Variants in HLTF observed in about 807,000 individuals in gnomAD.
The protein encoded by HLTF is helicase like transcription factor.
A neutral mutation model predicts 129.4 loss-of-function variants in HLTF; 127 were observed. The ratio of observed to expected loss-of-function variants is 0.98; its 90% confidence interval spans 0.85 to 1.14. The LOEUF is 1.14. Among genes scored for constraint, HLTF ranks in the 50% most tolerant of loss-of-function variants. The probability of loss-of-function intolerance (pLI) is 0.00; values close to 1 mark genes in which losing one functional copy is unlikely to be tolerated. For missense variants in HLTF, 1,139 were observed against 1,187.1 expected, an observed-to-expected ratio of 0.96 and a Z score of 0.60; for synonymous variants, 332 against 388.8, an observed-to-expected ratio of 0.85 and a Z score of 1.72.
chr3:149,078,100 T>A lies in HLTF; in HGVS notation c.229-2053A>T, dbSNP rs556675775. Among the ~76,000 whole-genome samples the A allele has an allele frequency of 8.9e-4, 136 of 152,066 alleles. 2 individuals are homozygous for A. The South Asian group carries it at 0.013, about 14-fold the overall frequency. On this transcript the variant is annotated intron_variant, in intron 2 of 24. Coordinates refer to ENST00000310053, the MANE Select transcript of HLTF (RefSeq NM_003071.4). ...CAGAGCTGCCACATTATTTAAAATGTCAATTTTTCAAGAAAAAAAGTACAA... is the reference window on the plus strand; with the variant it reads ...CAGAGCTGCCACATTATTTAAAATGACAATTTTTCAAGAAAAAAAGTACAA...
intron 13 of HLTF, among the ~76,000 whole-genome samples, chr3:149,057,081 G>C (rs1233948586): frequency 8.8e-6 from 1 of 113,172 alleles, no homozygotes; most frequent in Admixed American, 1.2e-4. Flanking sequence ...CTGCACTCCA[G>C]CCTGGGCGAC....
intron 24 of HLTF, among the ~76,000 whole-genome samples, chr3:149,032,739 G>C (rs1370886013): frequency 6.6e-6 from 1 of 152,122 alleles, no homozygotes; most frequent in African/African-American, 2.4e-5. Flanking sequence ...GAGGCGGGCA[G>C]ATCATGAGGT....
At chr3:149,045,938 T>C (rs1020687077) in intron 18 of HLTF, 142 bp downstream of exon 18, 2 of 573,396 alleles carry the variant, frequency 3.5e-6, no homozygotes, top group African/African-American at 2.0e-5. Context: ...TATTGATTTG[T>C]AAAAAACACT....
chr3:149,032,467 A>C (rs575435656), intron 24 of HLTF, 95 bp from the exon 25 acceptor site: 8 of 718,898 alleles, frequency 1.1e-5, no homozygotes, highest in Non-Finnish European at 1.7e-5. Flanking sequence ...CTAATGGCAA[A>C]AACCGCAATT....
intron 12 of HLTF, among the ~76,000 whole-genome samples, chr3:149,060,101 G>A (rs1463614109): frequency 6.6e-6 from 1 of 152,052 alleles, no homozygotes; most frequent in East Asian, 1.9e-4. Flanking sequence ...ATTTTTCAAG[G>A]AAACAAACAG....
chr3:149,072,765 T>A (rs1718986383), intron 5 of HLTF, among the ~76,000 whole-genome samples: 1 of 152,220 alleles, frequency 6.6e-6, no homozygotes, highest in Non-Finnish European at 1.5e-5. Context: ...TTTAAATTGA[T>A]CTGCATTAAT....
intron 8 of HLTF, among the ~76,000 whole-genome samples, chr3:149,065,546 A>G (rs1036416640): frequency 6.6e-6 from 1 of 152,194 alleles, no homozygotes; most frequent in Non-Finnish European, 1.5e-5. Flanking sequence ...AATCAAAAAA[A>G]ACTAAAAATC....
Position 149,031,983 on chromosome 3 carries a change from C to A in HLTF, c.*237G>T, listed in dbSNP as rs1228733519. On this transcript the variant is annotated 3_prime_UTR_variant, in exon 25 of 25. Transcript: ENST00000310053. ...TATGAAAAGCTGAATAACAAAGTAA[C>A]CTTTTTTCTCAAATTATTTCAGGCC... 3 of 290,914 alleles carry A rather than the reference C, an allele frequency of 1.0e-5. No individual in the cohort carries two copies. The highest frequency in any genetic ancestry group is 1.9e-5 in the Non-Finnish European group (3 of 160,568). 18.0% of individuals were successfully genotyped at this position (290,914 alleles called of 1,614,324 possible).
chr3:149,049,609 A>G (rs1716819509), intron 15 of HLTF, among the ~76,000 whole-genome samples: 2 of 152,246 alleles, frequency 1.3e-5, no homozygotes, highest in Admixed American at 6.5e-5. Flanking sequence ...AATTTTCCAG[A>G]ATATTAAAAA....
intron 24 of HLTF, among the ~76,000 whole-genome samples, chr3:149,032,965 A>C (rs1183212684): frequency 7.2e-6 from 1 of 138,858 alleles, no homozygotes; most frequent in Admixed American, 7.2e-5. Context: ...CTCAAAAAAA[A>C]AAAAAAAAAA....
Position 149,071,404 on chromosome 3 carries a change from G to C in HLTF, c.742C>G (p.Leu248Val). 6.2e-7 allele frequency: 1 copy of C among 1,613,392 alleles called. No homozygotes were observed. Among genetic ancestry groups the C allele is most frequent in the Non-Finnish European group, 8.5e-7 (1 of 1,179,798 alleles). ...TPLLPHQKQA[L>V]AWMVSRENSK... ...TTTTCCCGTGACACCATCCAAGCTA[G>C]AGCTTGTTTTTGATGTGGAAGCAGT... The change falls in exon 7 of 25, where the codon CTA (leucine) becomes GTA (valine). Residue 248 changes from leucine to valine, a missense_variant. Physicochemically the swap from Leu to Val is conservative, Grantham distance 32. Coordinates refer to ENST00000310053, the MANE Select transcript of HLTF (RefSeq NM_003071.4).
At chr3:149,062,625 T>A (rs554331787) in intron 10 of HLTF, among the ~76,000 whole-genome samples, 12 of 152,222 alleles carry the variant, frequency 7.9e-5, no homozygotes, top group Non-Finnish European at 1.5e-4. Flanking sequence ...GGGAATTACA[T>A]CTTTTATTCA....
At chr3:149,038,607 A>C (rs767570785) in intron 23 of HLTF, among the ~76,000 whole-genome samples, 160 of 152,042 alleles carry the variant, frequency 1.1e-3, no homozygotes, top group Non-Finnish European at 1.7e-3. Flanking sequence ...GGCCCAAGCA[A>C]TCAATCTTTC....
chr3:149,069,641 ATCAC>A (rs547543951), intron 7 of HLTF, among the ~76,000 whole-genome samples: 49 of 152,318 alleles, frequency 3.2e-4, no homozygotes, highest in African/African-American at 1.2e-3. Context: ...CTAGAGAAAA[ATCAC>A]TCAAGATGGG....
intron 2 of HLTF, among the ~76,000 whole-genome samples, chr3:149,077,826 T>C (rs140692211): frequency 3.3e-4 from 50 of 152,168 alleles, no homozygotes; most frequent in Admixed American, 1.3e-3. Context: ...AGGAATGCCC[T>C]AACATACAGA....
chr3:149,041,492 G>T lies in HLTF; in HGVS notation c.2374C>A (p.Gln792Lys). The change falls in exon 20 of 25, where the codon CAG becomes AAG. Residue 792 changes from glutamine (Q) to lysine (K), a missense_variant and splice_region_variant. Physicochemically the swap from Gln to Lys is moderately conservative, Grantham distance 53 (BLOSUM62 1). Transcript: ENST00000310053. ...CCTGTACTGAGCAAAAAACTAACCT[G>T]CTCATTCTGAATGACTTGGCAAATA... ...PCICQVIQNE[Q>K]PHAKCPLCRN... 6.2e-7 allele frequency: 1 copy of T among 1,611,230 alleles called. No individual in the cohort carries two copies. Among genetic ancestry groups the T allele is most frequent in the Non-Finnish European group, 8.5e-7 (1 of 1,178,130 alleles).
At position 149,068,349 on chromosome 3, in the gene HLTF, TA is replaced by T; in HGVS notation, c.895-15del. ...AAGAGTTTTACCCTTAAAAATGTTT[TA>T]AAAAGATAAATGGTCAGATTGTGAA... On this transcript the variant is annotated splice_polypyrimidine_tract_variant and intron_variant, in intron 7 of 24. Coordinates refer to ENST00000310053, the MANE Select transcript of HLTF (RefSeq NM_003071.4). 8.0e-7 allele frequency: 1 copy of T among 1,251,994 alleles called. No individual in the cohort carries two copies. The highest frequency in any genetic ancestry group is 2.3e-5 in the East Asian group (1 of 42,702). The allele number at this position is 1,251,994 out of a possible 1,614,324, so 77.6% of individuals were successfully genotyped here.
Position 149,046,115 on chromosome 3 carries a change from C to G in HLTF, c.2037G>C (p.Gln679His), listed in dbSNP as rs746059934. ...TLSDEERKIYQSVKNEGRATI... is the reference protein window; with the variant it reads ...TLSDEERKIYHSVKNEGRATI... ...TGGCTCTGCCTTCATTTTTCACAGA[C>G]TGATAAATCTTTCTCTCTTCATCTG... Residue 679 changes from glutamine to histidine, a missense_variant, in exon 18 of 25, where the codon CAG (glutamine) becomes CAC (histidine). Gln to His is a conservative substitution (Grantham distance 24, BLOSUM62 0). Transcript: ENST00000310053. 7 of 1,610,876 alleles carry G rather than the reference C, an allele frequency of 4.3e-6. No homozygotes were observed. In the South Asian group the frequency reaches 7.7e-5, roughly 18 times the overall value.
At chr3:149,082,979 C>T (rs890914655) in intron 2 of HLTF, among the ~76,000 whole-genome samples, 39 of 152,224 alleles carry the variant, frequency 2.6e-4, no homozygotes, top group Admixed American at 2.2e-3. Flanking sequence ...TGGCTGGGCG[C>T]GGTGGCTCAT....
Sources: allele counts gnomAD v4.1 joint callset (sites outside exome capture counted in the v4.1 genomes callset), GRCh38; gene constraint gnomAD v4.1.1; transcripts MANE v1.5; gene names NCBI Gene and HGNC (gene_info 2026-07-23, HGNC 2026-07-21).